Variants in SASH1 observed in about 807,000 individuals in gnomAD.
The protein encoded by SASH1 is SAM and SH3 domain containing 1, also known as SAM and SH3 domain-containing protein 1.
In SASH1, 44 loss-of-function variants were observed where a neutral mutation model predicts 125.2. That is an observed-to-expected ratio of 0.35 (90% CI 0.28 to 0.45). The LOEUF (loss-of-function observed/expected upper bound fraction) is 0.45. SASH1 is among the 20% of genes least tolerant of loss of function. The pLI is 1.00. For synonymous variants in SASH1, 639 were observed against 649.1 expected, an observed-to-expected ratio of 0.98 and a Z score of 0.24; for missense variants, 1,426 against 1,614.5, an observed-to-expected ratio of 0.88 and a Z score of 2.00.
chr6:148,217,941 G>A, the SASH1 span, among the ~76,000 whole-genome samples: 1 of 151,552 alleles, frequency 6.6e-6, no homozygotes, highest in Non-Finnish European at 1.5e-5. Context: ...CTTGAGCTCT[G>A]GAGTTTGAGG....
chr6:148,535,795 G>A (rs942461328), intron 16 of SASH1, among the ~76,000 whole-genome samples: 2 of 151,958 alleles, frequency 1.3e-5, no homozygotes, highest in African/African-American at 2.4e-5. Context: ...ATTCAAACAC[G>A]TTTTCCTTCA....
chr6:148,382,523 C>T (rs1783182721), intron 1 of SASH1, among the ~76,000 whole-genome samples: 1 of 152,174 alleles, frequency 6.6e-6, no homozygotes, highest in Non-Finnish European at 1.5e-5. Flanking sequence ...TTCCCGACCT[C>T]AGGTGATCCA....
At chr6:148,213,002 T>C in the SASH1 span, among the ~76,000 whole-genome samples, 1 of 152,158 alleles carries the variant, frequency 6.6e-6, no homozygotes, top group Admixed American at 6.5e-5. Flanking sequence ...ACAAGATAGC[T>C]TGTGATCCTC....
At chr6:148,514,090 G>A in intron 8 of SASH1, 2 of 1,244,064 alleles carry the variant, frequency 1.6e-6, no homozygotes, top group Non-Finnish European at 2.0e-6. Flanking sequence ...GCCCCCACTT[G>A]CCCTTGAGGG....
intron 1 of SASH1, among the ~76,000 whole-genome samples, chr6:148,358,797 G>A (rs1267485162): frequency 1.4e-5 from 2 of 147,532 alleles, no homozygotes; most frequent in East Asian, 4.0e-4. Flanking sequence ...GTGCAGTGGC[G>A]TGATCTCGGC....
rs1427959220 is a variant in SASH1 at position 148,480,348 on chromosome 6, T to G, written c.627+6126T>G. 5 of 149,678 alleles carry G rather than the reference T, an allele frequency of 3.3e-5. No individual in the cohort carries two copies. In the South Asian group the frequency reaches 8.4e-4, roughly 25 times the overall value. 9.3% of individuals were successfully genotyped at this position (149,678 alleles called of 1,614,324 possible). On this transcript the variant is annotated intron_variant, in intron 7 of 19. Coordinates refer to ENST00000367467, the MANE Select transcript of SASH1 (RefSeq NM_015278.5). Reference sequence around the variant, plus strand: ...AAAAAAAAAAAAAAAAAAGAAAGATTGAAACTTATTTAATCACCGTACAGA... The same window carrying G: ...AAAAAAAAAAAAAAAAAAGAAAGATGGAAACTTATTTAATCACCGTACAGA...
Position 148,429,407 on chromosome 6 carries a change from AAAAAAG to A in SASH1, c.286-10775_286-10770del, listed in dbSNP as rs988367331. Among the ~76,000 whole-genome samples the A allele has an allele frequency of 2.0e-5, 3 of 150,376 alleles. 1 individual carries two copies. Among genetic ancestry groups the A allele is most frequent in the African/African-American group, 7.3e-5 (3 of 40,822 alleles). Reference sequence around the variant, plus strand: ...TCTTAAAAAAAAAAAAAAAAAAAAAAAAAAAGAGGAAGGAAAAAAGAGTCAGGCTTA... The same window carrying A: ...TCTTAAAAAAAAAAAAAAAAAAAAAAAGGAAGGAAAAAAGAGTCAGGCTTA... On this transcript the variant is annotated intron_variant, in intron 2 of 19. Coordinates refer to ENST00000367467, the MANE Select transcript of SASH1 (RefSeq NM_015278.5).
intron 2 of SASH1, among the ~76,000 whole-genome samples, chr6:148,409,091 C>T (rs1404617021): frequency 6.6e-6 from 1 of 152,190 alleles, no homozygotes; most frequent in Non-Finnish European, 1.5e-5. Context: ...TGTGTACCTG[C>T]ATTGCAGTTT....
chr6:148,500,064 T>TA (rs771681522), intron 8 of SASH1, among the ~76,000 whole-genome samples: 2 of 152,194 alleles, frequency 1.3e-5, no homozygotes, highest in African/African-American at 2.4e-5. Context: ...TTTTTGTTTT[T>TA]ATCTATGCTT....
the SASH1 span, among the ~76,000 whole-genome samples, chr6:148,212,722 G>A: frequency 6.6e-6 from 1 of 152,218 alleles, no homozygotes; most frequent in Non-Finnish European, 1.5e-5. Context: ...AGGGGACTGT[G>A]TGTCATGCAC....
At chr6:148,497,357 G>C (rs1057057520) in intron 8 of SASH1, among the ~76,000 whole-genome samples, 1 of 152,160 alleles carries the variant, frequency 6.6e-6, no homozygotes, top group Non-Finnish European at 1.5e-5. Flanking sequence ...TGTATTTGTT[G>C]AGTCCCTAAG....
chr6:148,548,571 T>C lies in SASH1; in HGVS notation c.*13T>C. Reference sequence around the variant, plus strand: ...TGAGGCCATGTAGCCAGGCCCGGAATGGGCCTCTCTGGACAAGAGCCACCC... The same window carrying C: ...TGAGGCCATGTAGCCAGGCCCGGAACGGGCCTCTCTGGACAAGAGCCACCC... On this transcript the variant is annotated 3_prime_UTR_variant, in exon 20 of 20. Transcript: ENST00000367467. 6.3e-7 allele frequency: 1 copy of C among 1,576,738 alleles called. No homozygotes were observed. Among genetic ancestry groups the C allele is most frequent in the East Asian group, 2.2e-5 (1 of 44,684 alleles).
At chr6:148,541,904 C>T (rs1394506604) in intron 17 of SASH1, among the ~76,000 whole-genome samples, 3 of 152,170 alleles carry the variant, frequency 2.0e-5, no homozygotes, top group Admixed American at 6.5e-5. Context: ...CAGATAGCCT[C>T]GGTCAAGACA....
Position 148,482,524 on chromosome 6 carries a change from CT to C in SASH1, c.628-5076del, listed in dbSNP as rs766327821. On this transcript the variant is annotated intron_variant, in intron 7 of 19. Transcript: ENST00000367467. ...GTCACTGATGTTTTGGCATGGTGAA[CT>C]TTTTTTTTTTTTTCGAGGTAGGATC... Among the ~76,000 whole-genome samples the C allele has an allele frequency of 5.7e-3, 811 of 141,772 alleles. 6 individuals are homozygous for C. The highest frequency in any genetic ancestry group is 0.013 in the African/African-American group (502 of 38,890). 93.0% of individuals were successfully genotyped at this position (141,772 alleles called of 152,430 possible). A position where few individuals can be genotyped will look rare whatever the true frequency, so the allele number is the denominator to read the frequency against.
chr6:148,508,362 A>T, intron 8 of SASH1: 1 of 462,418 alleles, frequency 2.2e-6, no homozygotes, highest in Non-Finnish European at 2.8e-6. Flanking sequence ...TTTTAAGTTC[A>T]GTCACTTTTA....
the SASH1 span, among the ~76,000 whole-genome samples, chr6:148,261,097 G>A: frequency 5.3e-5 from 8 of 152,180 alleles, no homozygotes; most frequent in South Asian, 8.3e-4. Context: ...GAGCCACTGC[G>A]CCCGGCATAA....
At chr6:148,210,342 A>G in the SASH1 span, among the ~76,000 whole-genome samples, 2 of 152,292 alleles carry the variant, frequency 1.3e-5, no homozygotes, top group East Asian at 3.9e-4. Context: ...AGCCTGACTA[A>G]CAACATGGGG....
At chr6:148,421,211 AAGAAAAAG>A (rs1583129947) in intron 2 of SASH1, among the ~76,000 whole-genome samples, 1 of 138,166 alleles carries the variant, frequency 7.2e-6, no homozygotes, top group Non-Finnish European at 1.7e-5. Context: ...GAAAGAAAGA[AAGAAAAAG>A]AAAGAAAGAA....
intron 8 of SASH1, chr6:148,514,104 G>A (rs1583283119): frequency 7.7e-7 from 1 of 1,291,370 alleles, no homozygotes; most frequent in Non-Finnish European, 9.8e-7. Flanking sequence ...TTGAGGGCAA[G>A]GATGTGTGTT....
Sources: gnomAD v4.1 joint callset for allele counts (sites outside exome capture counted in the v4.1 genomes callset) on GRCh38, gnomAD v4.1.1 for gene constraint, MANE v1.5 for transcripts, NCBI Gene and HGNC (gene_info 2026-07-23, HGNC 2026-07-21) for gene names.